DCC: variants seen among roughly 807,000 people sequenced by gnomAD.
DCC encodes the protein DCC netrin 1 receptor.
A neutral mutation model predicts 172.5 loss-of-function variants in DCC; 58 were observed. The ratio of observed to expected loss-of-function variants is 0.34; its 90% CI spans 0.27 to 0.42. The LOEUF (loss-of-function observed/expected upper bound fraction) is 0.42. DCC is among the 10% of genes least tolerant of loss of function. The pLI is 1.00. For synonymous variants in DCC, 709 were observed against 644.5 expected (o/e 1.10, Z -1.52); for missense variants, 1,740 against 1,791.0 (o/e 0.97, Z 0.51).
At chr18:53,433,990 C>T (rs1244742731) in intron 21 of DCC, among the ~76,000 whole-genome samples, 3 of 152,098 alleles carry the variant, frequency 2.0e-5, no homozygotes, top group Non-Finnish European at 4.4e-5. Context: ...AATATAGAGT[C>T]AGTTAACAGG....
chr18:53,231,598 C>G (rs1004265266), intron 12 of DCC, among the ~76,000 whole-genome samples: 4 of 152,012 alleles, frequency 2.6e-5, no homozygotes, highest in Non-Finnish European at 5.9e-5. Context: ...ATAAGTTAAT[C>G]TAGACTTATT....
At chr18:52,595,570 T>A (rs1333644595) in intron 1 of DCC, among the ~76,000 whole-genome samples, 1 of 152,212 alleles carries the variant, frequency 6.6e-6, no homozygotes, top group Non-Finnish European at 1.5e-5. Context: ...ATTTTAAACA[T>A]GCCATTCTCT....
chr18:52,850,482 C>T (rs1408704564), intron 2 of DCC, among the ~76,000 whole-genome samples: 1 of 152,110 alleles, frequency 6.6e-6, no homozygotes, highest in East Asian at 1.9e-4. Flanking sequence ...ATTAGCTCTG[C>T]TTGTACAGTA....
At chr18:53,329,095 G>T (rs1179615260) in intron 14 of DCC, among the ~76,000 whole-genome samples, 1 of 151,968 alleles carries the variant, frequency 6.6e-6, no homozygotes, top group Non-Finnish European at 1.5e-5. Flanking sequence ...GATTGAAGAG[G>T]GCGTTTTGTG....
chr18:52,809,733 A>C (rs2038159109), intron 2 of DCC, among the ~76,000 whole-genome samples: 2 of 152,128 alleles, frequency 1.3e-5, no homozygotes, highest in Non-Finnish European at 2.9e-5. Context: ...CAGTTGCAAG[A>C]TTTCATAGAG....
chr18:52,943,677 G>T (rs918455741), intron 5 of DCC, among the ~76,000 whole-genome samples: 1 of 152,012 alleles, frequency 6.6e-6, no homozygotes, highest in African/African-American at 2.4e-5. Context: ...CATAAAAACT[G>T]TAGAGGATAT....
chr18:52,631,851 C>T (rs576087401), intron 1 of DCC, among the ~76,000 whole-genome samples: 1 of 152,190 alleles, frequency 6.6e-6, no homozygotes, highest in Admixed American at 6.5e-5. Context: ...TTAGAGGCTT[C>T]TTAAATTGTC....
chr18:52,543,713 A>C (rs2032530103), intron 1 of DCC, among the ~76,000 whole-genome samples: 1 of 152,162 alleles, frequency 6.6e-6, no homozygotes, highest in African/African-American at 2.4e-5. Flanking sequence ...CCCTCTGAAC[A>C]GATAAAAACC....
intron 1 of DCC, among the ~76,000 whole-genome samples, chr18:52,714,843 A>C (rs1176203311): frequency 6.6e-6 from 1 of 152,204 alleles, no homozygotes; most frequent in African/African-American, 2.4e-5. Flanking sequence ...GATATAAAAG[A>C]TGTTGTCTTT....
intron 12 of DCC, among the ~76,000 whole-genome samples, chr18:53,288,939 G>T (rs2056966464): frequency 6.6e-6 from 1 of 152,060 alleles, no homozygotes; most frequent in Admixed American, 6.6e-5. Flanking sequence ...ATATTAACAG[G>T]CCACATTCTG....
At chr18:52,348,140 A>C (rs1469666321) in intron 1 of DCC, among the ~76,000 whole-genome samples, 1 of 152,170 alleles carries the variant, frequency 6.6e-6, no homozygotes, top group African/African-American at 2.4e-5. Flanking sequence ...AGTTTCATCT[A>C]TGTGGATTCA....
chr18:52,359,842 A>G (rs1175874038), intron 1 of DCC, among the ~76,000 whole-genome samples: 1 of 152,194 alleles, frequency 6.6e-6, no homozygotes, highest in Non-Finnish European at 1.5e-5. Flanking sequence ...TCACAGTTAA[A>G]CAGTGAGAGA....
intron 22 of DCC, among the ~76,000 whole-genome samples, chr18:53,437,251 C>T (rs540857978): frequency 2.6e-5 from 4 of 152,162 alleles, no homozygotes; most frequent in Non-Finnish European, 5.9e-5. Context: ...TAACACCTTG[C>T]TCTGGCAGTC....
chr18:52,400,185 T>C (rs1279194747), intron 1 of DCC, among the ~76,000 whole-genome samples: 4 of 151,982 alleles, frequency 2.6e-5, no homozygotes, highest in Non-Finnish European at 5.9e-5. Flanking sequence ...GCTGAATGTG[T>C]ACCCAGTATG....
chr18:53,356,139 C>T (rs1391961580), intron 15 of DCC, among the ~76,000 whole-genome samples: 1 of 152,106 alleles, frequency 6.6e-6, no homozygotes, highest in African/African-American at 2.4e-5. Flanking sequence ...ACTGCAGCCT[C>T]AAATTCCTGG....
intron 9 of DCC, among the ~76,000 whole-genome samples, chr18:53,185,446 T>G (rs993625659): frequency 2.6e-5 from 4 of 152,238 alleles, no homozygotes; most frequent in Non-Finnish European, 5.9e-5. Flanking sequence ...CACATTGGTC[T>G]ATTTAAATTT....
At chr18:52,859,297 A>G (rs552240925) in intron 2 of DCC, among the ~76,000 whole-genome samples, 4 of 152,300 alleles carry the variant, frequency 2.6e-5, no homozygotes, top group Admixed American at 2.6e-4. Flanking sequence ...GGCCAGGGGA[A>G]GACTTTCTCT....
At chr18:52,550,657 C>A (rs1263291328) in intron 1 of DCC, among the ~76,000 whole-genome samples, 1 of 152,122 alleles carries the variant, frequency 6.6e-6, no homozygotes, top group African/African-American at 2.4e-5. Flanking sequence ...TTGTCTGCAA[C>A]TTAAGCCCTG....
chr18:52,593,863 A>G (rs923215286), intron 1 of DCC, among the ~76,000 whole-genome samples: 1 of 152,202 alleles, frequency 6.6e-6, no homozygotes, highest in African/African-American at 2.4e-5. Context: ...GAAACCACTT[A>G]TCTATAGGTA....
Sources: allele counts gnomAD v4.1 joint callset (sites outside exome capture counted in the v4.1 genomes callset), GRCh38; gene constraint gnomAD v4.1.1; transcripts MANE v1.5; gene names NCBI Gene and HGNC (gene_info 2026-07-23, HGNC 2026-07-21).